The following GFRAL variants were observed in gnomAD, a reference collection of about 807,000 sequenced individuals.
GFRAL encodes GDNF family receptor alpha like.
Under a neutral mutation model 45.4 loss-of-function variants are expected in GFRAL, and 36 were observed. The observed-to-expected ratio is 0.79, with a 90% CI of 0.61 to 1.05. GFRAL has a LOEUF of 1.05. GFRAL is among the 50% of genes least tolerant of loss of function. GFRAL has a pLI of 0.00. For synonymous variants in GFRAL, 166 were observed against 154.1 expected, an observed-to-expected ratio of 1.08 and a Z score of -0.57; for missense variants, 507 against 467.5, an observed-to-expected ratio of 1.08 and a Z score of -0.78.
chr6:55,366,692 T>A (rs1158762112), intron 6 of GFRAL, among the ~76,000 whole-genome samples: 3 of 102,380 alleles, frequency 2.9e-5, no homozygotes, highest in Non-Finnish European at 5.6e-5. Flanking sequence ...CTTCATTTCG[T>A]TATGTACCCA....
intron 3 of GFRAL, 70 bp downstream of exon 3, chr6:55,334,014 C>T (rs1767862546): frequency 1.0e-5 from 9 of 871,000 alleles, no homozygotes; most frequent in Non-Finnish European, 1.5e-5. Context: ...TTAACCACAT[C>T]TATGTAATGT....
intron 5 of GFRAL, among the ~76,000 whole-genome samples, chr6:55,357,439 T>A (rs1404712239): frequency 6.6e-6 from 1 of 151,778 alleles, no homozygotes; most frequent in Non-Finnish European, 1.5e-5. Context: ...TTTTTATAGT[T>A]TTTTTCTTGA....
chr6:55,337,566 T>G (rs1352764827), intron 3 of GFRAL, among the ~76,000 whole-genome samples: 2 of 152,344 alleles, frequency 1.3e-5, no homozygotes, highest in South Asian at 2.1e-4. Flanking sequence ...AAAATATAAA[T>G]TCAATGTGTT....
At position 55,399,281 on chromosome 6, in the gene GFRAL, T is replaced by A; in HGVS notation, c.1048+6T>A. 1 of 1,568,506 alleles carries A rather than the reference T, an allele frequency of 6.4e-7. No homozygotes were observed. Among genetic ancestry groups the A allele is most frequent in the Non-Finnish European group, 8.8e-7 (1 of 1,142,604 alleles). ...ATTTCATTCCCCCTTCAATGGTCAGTTAAAAATCAATCCTCTATAATATTT... is the reference window on the plus strand; with the variant it reads ...ATTTCATTCCCCCTTCAATGGTCAGATAAAAATCAATCCTCTATAATATTT... On this transcript the variant is annotated splice_donor_region_variant and intron_variant, in intron 7 of 8. Coordinates refer to ENST00000340465, the MANE Select transcript of GFRAL (RefSeq NM_207410.2).
At chr6:55,382,610 A>C (rs1440255180) in intron 6 of GFRAL, among the ~76,000 whole-genome samples, 1 of 151,990 alleles carries the variant, frequency 6.6e-6, no homozygotes, top group Non-Finnish European at 1.5e-5. Context: ...GATTAAAAAC[A>C]ATAATCAGCA....
chr6:55,353,727 T>A (rs1768149961), intron 5 of GFRAL, among the ~76,000 whole-genome samples: 1 of 152,090 alleles, frequency 6.6e-6, no homozygotes, highest in African/African-American at 2.4e-5. Context: ...ATATTTTAAA[T>A]AAATTTTTAA....
intron 3 of GFRAL, among the ~76,000 whole-genome samples, chr6:55,341,012 A>C (rs1767957136): frequency 6.6e-6 from 1 of 152,178 alleles, no homozygotes; most frequent in South Asian, 2.1e-4. Context: ...GAGAAGGTAG[A>C]CAAAGCAGCT....
At chr6:55,380,748 G>C (rs566598499) in intron 6 of GFRAL, among the ~76,000 whole-genome samples, 2 of 152,042 alleles carry the variant, frequency 1.3e-5, no homozygotes, top group East Asian at 3.9e-4. Context: ...GTACACATTA[G>C]CCACTCAATA....
chr6:55,365,702 T>A (rs1768352094), intron 6 of GFRAL, among the ~76,000 whole-genome samples: 1 of 148,022 alleles, frequency 6.8e-6, no homozygotes, highest in Non-Finnish European at 1.5e-5. Flanking sequence ...GATAATCATG[T>A]GGTTTTTGCC....
At chr6:55,377,572 G>C (rs1005375155) in intron 6 of GFRAL, among the ~76,000 whole-genome samples, 2 of 151,988 alleles carry the variant, frequency 1.3e-5, no homozygotes, top group African/African-American at 4.8e-5. Context: ...AGTCATAAGT[G>C]CATTCCACAT....
rs193249523 is a variant in GFRAL, at chr6:55,357,925, T to C, written c.702-963T>C. Among the ~76,000 whole-genome samples the C allele has an allele frequency of 2.0e-3, 305 of 151,976 alleles. 3 individuals are homozygous for C. Among genetic ancestry groups the C allele is most frequent in the Middle Eastern group, 6.8e-3 (2 of 294 alleles). On this transcript the variant is annotated intron_variant, in intron 5 of 8. Transcript: ENST00000340465. ...TTCCAAAACTTACATTTAGAAGATA[T>C]CTTATATGTAACCCTTAACAGCATT...
At chr6:55,387,452 G>A (rs946977620) in intron 6 of GFRAL, among the ~76,000 whole-genome samples, 15 of 152,098 alleles carry the variant, frequency 9.9e-5, no homozygotes, top group African/African-American at 3.6e-4. Flanking sequence ...TGTATTCTTG[G>A]CTTAAAGAGC....
At chr6:55,373,242 G>A (rs1274274201) in intron 6 of GFRAL, among the ~76,000 whole-genome samples, 1 of 152,092 alleles carries the variant, frequency 6.6e-6, no homozygotes, top group Non-Finnish European at 1.5e-5. Flanking sequence ...ACCACCTTCT[G>A]TGGCTCCTAT....
chr6:55,343,823 C>T (rs1234226498), intron 3 of GFRAL, among the ~76,000 whole-genome samples: 2 of 151,956 alleles, frequency 1.3e-5, no homozygotes, highest in Non-Finnish European at 1.5e-5. Flanking sequence ...CAAATAGAAG[C>T]AATAAAAAAT....
chr6:55,346,775 G>T (rs1768047699), intron 3 of GFRAL, among the ~76,000 whole-genome samples: 1 of 144,560 alleles, frequency 6.9e-6, no homozygotes, highest in Admixed American at 7.1e-5. Context: ...TTAGAAACAT[G>T]TAATTTTATC....
chr6:55,330,750 C>T (rs111807548), intron 1 of GFRAL, among the ~76,000 whole-genome samples: 2,037 of 152,012 alleles, frequency 0.013, 25 homozygotes, highest in Middle Eastern at 0.037. Context: ...AATGGCAAGA[C>T]TAGAATAGTA....
intron 6 of GFRAL, among the ~76,000 whole-genome samples, chr6:55,395,175 A>AAAAAATATATATATAT: frequency 2.5e-4 from 31 of 123,480 alleles, no homozygotes; most frequent in African/African-American, 1.1e-3. Context: ...AAAAAAAAAA[A>AAAAAATATATATATAT]ATATATATAT....
At chr6:55,347,951 A>T (rs1768065226) in intron 3 of GFRAL, among the ~76,000 whole-genome samples, 1 of 152,162 alleles carries the variant, frequency 6.6e-6, no homozygotes, top group African/African-American at 2.4e-5. Flanking sequence ...CATATTTCTT[A>T]TCAGATTATA....
chr6:55,355,356 A>T (rs1438444430), intron 5 of GFRAL, among the ~76,000 whole-genome samples: 3 of 148,208 alleles, frequency 2.0e-5, no homozygotes, highest in African/African-American at 7.9e-5. Flanking sequence ...AGAATAAATT[A>T]AAAAAAAGAA....
Sources: allele counts gnomAD v4.1 joint callset (sites outside exome capture counted in the v4.1 genomes callset), GRCh38; gene constraint gnomAD v4.1.1; transcripts MANE v1.5; gene names NCBI Gene and HGNC (gene_info 2026-07-23, HGNC 2026-07-21).